IL1RAPL1: variants seen among roughly 807,000 people sequenced by gnomAD.
IL1RAPL1 encodes the protein interleukin 1 receptor accessory protein like 1, also known as interleukin-1 receptor accessory protein-like 1.
Under a neutral mutation model 48.4 loss-of-function variants are expected in IL1RAPL1, and 3 were observed. The ratio of observed to expected loss-of-function variants is 0.06; its 90% confidence interval spans 0.03 to 0.16. The LOEUF (loss-of-function observed/expected upper bound fraction) is 0.16. Among genes scored for constraint, IL1RAPL1 ranks in the 10% least tolerant of loss-of-function variants. The pLI is 1.00. For synonymous variants in IL1RAPL1, 185 were observed against 187.7 expected, an observed-to-expected ratio of 0.99 and a Z score of 0.12; for missense variants, 349 against 530.6, an observed-to-expected ratio of 0.66 and a Z score of 3.36.
At chrX:28,792,214 C>G (rs1040430640) in intron 2 of IL1RAPL1, among the ~76,000 whole-genome samples, 4 of 111,416 alleles carry the variant, frequency 3.6e-5, no homozygotes, top group African/African-American at 1.3e-4. Flanking sequence ...TTTTAGTTCA[C>G]TGTGACCACT....
intron 8 of IL1RAPL1, among the ~76,000 whole-genome samples, chrX:29,927,927 G>A (rs779578137): frequency 9.6e-6 from 1 of 104,151 alleles, no homozygotes; most frequent in South Asian, 4.2e-4. Context: ...GGGAAGAGAA[G>A]GGAAGGGAGG....
intron 3 of IL1RAPL1, among the ~76,000 whole-genome samples, chrX:29,384,135 G>T (rs532647101): frequency 1.8e-5 from 2 of 112,199 alleles, no homozygotes; most frequent in Middle Eastern, 9.2e-3. Context: ...GACCTAGTCA[G>T]TTAAAGCAAA....
intron 2 of IL1RAPL1, among the ~76,000 whole-genome samples, chrX:29,021,403 A>G (rs1156848174): frequency 1.8e-5 from 2 of 110,514 alleles, no homozygotes; most frequent in Non-Finnish European, 3.8e-5. Context: ...GATATGTCAC[A>G]AGTTGATGAT....
chrX:29,126,667 A>C (rs1928906233), intron 2 of IL1RAPL1, among the ~76,000 whole-genome samples: 1 of 112,492 alleles, frequency 8.9e-6, no homozygotes, highest in Non-Finnish European at 1.9e-5. Flanking sequence ...TCACAGGGTC[A>C]TTTGTTGGTA....
intron 2 of IL1RAPL1, among the ~76,000 whole-genome samples, chrX:28,805,715 A>C (rs369449703): frequency 1.2e-4 from 13 of 111,342 alleles, no homozygotes; most frequent in African/African-American, 3.9e-4. Context: ...CAGCTTTCCT[A>C]TATGCCAGTT....
At chrX:28,639,618 G>A (rs1312160586) in intron 1 of IL1RAPL1, among the ~76,000 whole-genome samples, 1 of 111,272 alleles carries the variant, frequency 9.0e-6, no homozygotes, top group East Asian at 2.8e-4. Flanking sequence ...GGATTCCAGC[G>A]CAAGTAATTT....
chrX:29,162,769 A>G (rs1929712302), intron 2 of IL1RAPL1, among the ~76,000 whole-genome samples: 1 of 111,067 alleles, frequency 9.0e-6, no homozygotes, highest in South Asian at 3.8e-4. Context: ...AGGCAGCAAT[A>G]TGGTAATAGA....
chrX:29,713,229 GATACATATAA>G (rs1927398921), intron 6 of IL1RAPL1, among the ~76,000 whole-genome samples: 2 of 111,665 alleles, frequency 1.8e-5, no homozygotes, highest in Non-Finnish European at 3.8e-5. Flanking sequence ...GTAGCTATTT[GATACATATAA>G]AGTTTAGAGT....
At chrX:29,342,252 T>A (rs1418204910) in intron 3 of IL1RAPL1, among the ~76,000 whole-genome samples, 5 of 111,200 alleles carry the variant, frequency 4.5e-5, no homozygotes, top group Non-Finnish European at 9.4e-5. Flanking sequence ...AAGACCAGAA[T>A]AAGTCATTCA....
intron 6 of IL1RAPL1, among the ~76,000 whole-genome samples, chrX:29,829,259 T>C (rs974216244): frequency 1.8e-5 from 2 of 108,546 alleles, no homozygotes; most frequent in African/African-American, 6.7e-5. Context: ...GTCCTTTTTA[T>C]GTTACATGAC....
At chrX:29,562,113 CT>C (rs1157636384) in intron 5 of IL1RAPL1, among the ~76,000 whole-genome samples, 8 of 56,993 alleles carry the variant, frequency 1.4e-4, no homozygotes, top group African/African-American at 7.0e-4. Flanking sequence ...ATCTATCTAT[CT>C]AATCTATCTA....
intron 1 of IL1RAPL1, among the ~76,000 whole-genome samples, chrX:28,755,454 G>A (rs1936095987): frequency 8.9e-6 from 1 of 112,268 alleles, no homozygotes; most frequent in Non-Finnish European, 1.9e-5. Flanking sequence ...GTGTTCAATG[G>A]TAGCATGAGG....
intron 2 of IL1RAPL1, among the ~76,000 whole-genome samples, chrX:28,962,366 T>C (rs1182354595): frequency 8.9e-6 from 1 of 111,999 alleles, no homozygotes; most frequent in Admixed American, 9.5e-5. Flanking sequence ...GTTTAGCTTA[T>C]TTTTCTGGCA....
At chrX:29,402,024 G>A (rs2147690620) in intron 5 of IL1RAPL1, among the ~76,000 whole-genome samples, 1 of 111,257 alleles carries the variant, frequency 9.0e-6, no homozygotes, top group Non-Finnish European at 1.9e-5. Flanking sequence ...CTCCCGAGTA[G>A]CTGGGATTAT....
intron 3 of IL1RAPL1, among the ~76,000 whole-genome samples, chrX:29,317,938 A>G (rs958878005): frequency 8.9e-6 from 1 of 112,112 alleles, no homozygotes; most frequent in African/African-American, 3.2e-5. Context: ...CATATTTGAG[A>G]AAACAAGCTT....
intron 5 of IL1RAPL1, among the ~76,000 whole-genome samples, chrX:29,619,634 TAGAATAGAC>T (rs1045296508): frequency 5.4e-5 from 6 of 111,733 alleles, no homozygotes; most frequent in African/African-American, 1.9e-4. Context: ...TATAGCTCCT[TAGAATAGAC>T]AGATATATTT....
intron 6 of IL1RAPL1, among the ~76,000 whole-genome samples, chrX:29,876,289 G>A (rs1931902417): frequency 9.0e-6 from 1 of 111,685 alleles, no homozygotes; most frequent in African/African-American, 3.3e-5. Flanking sequence ...CTCAGAGTGG[G>A]TCTCCTCTTA....
chrX:29,726,806 T>C (rs1276593452), intron 6 of IL1RAPL1, among the ~76,000 whole-genome samples: 1 of 111,155 alleles, frequency 9.0e-6, no homozygotes, highest in African/African-American at 3.3e-5. Context: ...CAGAGTGAGA[T>C]CTGATCTCTA....
chrX:28,861,199 C>T (rs753779955), intron 2 of IL1RAPL1, among the ~76,000 whole-genome samples: 2 of 111,491 alleles, frequency 1.8e-5, no homozygotes, highest in Admixed American at 9.6e-5. Flanking sequence ...GTCAAAAGGG[C>T]GCTCAATATG....
Sources: allele counts gnomAD v4.1 joint callset (sites outside exome capture counted in the v4.1 genomes callset), GRCh38; gene constraint gnomAD v4.1.1; transcripts MANE v1.5; gene names NCBI Gene and HGNC (gene_info 2026-07-23, HGNC 2026-07-21).